PRIM2: variants seen among roughly 807,000 people sequenced by gnomAD.
PRIM2 encodes DNA primase subunit 2.
PRIM2 carries 39 observed loss-of-function variants against 67.3 expected under a neutral mutation model. That is an observed-to-expected ratio of 0.58 (90% CI 0.45 to 0.76). PRIM2 has a LOEUF of 0.76. PRIM2 is among the 30% of genes least tolerant of loss of function. The pLI, the probability that PRIM2 is intolerant of heterozygous loss-of-function variation, is 0.00. For missense variants in PRIM2, 398 were observed against 598.7 expected (o/e 0.66, Z 3.50); for synonymous variants, 143 against 198.7 (o/e 0.72, Z 2.36).
intron 5 of PRIM2, among the ~76,000 whole-genome samples, chr6:57,337,508 A>C (rs1308847518): frequency 6.6e-6 from 1 of 151,798 alleles, no homozygotes; most frequent in African/African-American, 2.4e-5. Flanking sequence ...ATAACAAACT[A>C]TCTCTCAGAC....
intron 13 of PRIM2, among the ~76,000 whole-genome samples, chr6:57,645,635 A>G (rs1313496177): frequency 6.6e-6 from 1 of 151,604 alleles, no homozygotes; most frequent in East Asian, 1.9e-4. Flanking sequence ...CCTTTGAGCC[A>G]TCTTAGATGT....
At chr6:57,569,989 G>A (rs1581995763) in intron 10 of PRIM2, among the ~76,000 whole-genome samples, 5 of 152,176 alleles carry the variant, frequency 3.3e-5, no homozygotes, top group East Asian at 1.9e-4. Flanking sequence ...TGATCCGCCC[G>A]CCTTGGCCTC....
chr6:57,238,993 A>AT, the PRIM2 span, among the ~76,000 whole-genome samples: 35 of 148,470 alleles, frequency 2.4e-4, no homozygotes, highest in Middle Eastern at 6.8e-3. Flanking sequence ...TTCTTTTTTT[A>AT]TTTTTTTTTT....
the PRIM2 span, among the ~76,000 whole-genome samples, chr6:57,241,400 C>A: frequency 6.6e-6 from 1 of 151,326 alleles, no homozygotes; most frequent in Non-Finnish European, 1.5e-5. Flanking sequence ...CAGAGTGAGA[C>A]CCTGTTTTAA....
At chr6:57,325,847 A>T (rs1767832492) in intron 4 of PRIM2, 78 bp from the exon 5 acceptor site, 3 of 1,417,000 alleles carry the variant, frequency 2.1e-6, no homozygotes, top group Non-Finnish European at 2.9e-6. Context: ...ATGTTTGAAT[A>T]TTGTTTTATA....
At chr6:57,560,112 C>G (rs2127477883) in intron 10 of PRIM2, among the ~76,000 whole-genome samples, 1 of 152,322 alleles carries the variant, frequency 6.6e-6, no homozygotes, top group African/African-American at 2.4e-5. Context: ...GCAGTCTATC[C>G]TCTCAACCCT....
intron 10 of PRIM2, among the ~76,000 whole-genome samples, chr6:57,592,953 A>T (rs1365469886): frequency 6.6e-6 from 1 of 152,206 alleles, no homozygotes; most frequent in Non-Finnish European, 1.5e-5. Flanking sequence ...AAAAAATATA[A>T]TAAGGTCACT....
At chr6:57,299,528 A>G in the PRIM2 span, among the ~76,000 whole-genome samples, 287 of 152,268 alleles carry the variant, frequency 1.9e-3, 1 homozygote, top group African/African-American at 6.8e-3. Context: ...TAACTTCCTG[A>G]GCTCCTTGTA....
At chr6:57,639,332 A>G (rs1224834847) in intron 13 of PRIM2, among the ~76,000 whole-genome samples, 1 of 152,222 alleles carries the variant, frequency 6.6e-6, no homozygotes, top group East Asian at 1.9e-4. Context: ...TAGCATCACA[A>G]TTAAAAGAAC....
chr6:57,548,784 G>A, intron 10 of PRIM2, among the ~76,000 whole-genome samples: 1 of 152,082 alleles, frequency 6.6e-6, no homozygotes, highest in Non-Finnish European at 1.5e-5. Flanking sequence ...AAGAGCTGTG[G>A]GAGCTCACAT....
chr6:57,491,180 C>G (rs1451640639), intron 7 of PRIM2, among the ~76,000 whole-genome samples: 1 of 152,106 alleles, frequency 6.6e-6, no homozygotes, highest in Non-Finnish European at 1.5e-5. Flanking sequence ...CCAAAGAAAT[C>G]TAAAATATTT....
At chr6:57,486,637 T>C (rs1773758624) in intron 7 of PRIM2, among the ~76,000 whole-genome samples, 1 of 152,220 alleles carries the variant, frequency 6.6e-6, no homozygotes, top group African/African-American at 2.4e-5. Context: ...GTCCAGTATA[T>C]ATGGCATGTT....
chr6:57,343,704 C>T (rs1298717089), intron 5 of PRIM2, among the ~76,000 whole-genome samples: 2 of 151,776 alleles, frequency 1.3e-5, no homozygotes, highest in East Asian at 1.9e-4. Context: ...GTGGAAATTA[C>T]GTAAAAGGAA....
chr6:57,466,492 T>C (rs1242912417), intron 7 of PRIM2, among the ~76,000 whole-genome samples: 1 of 152,226 alleles, frequency 6.6e-6, no homozygotes, highest in Non-Finnish European at 1.5e-5. Context: ...TGTTGTTTCC[T>C]GACTTTTTAA....
chr6:57,314,465 G>A (rs968234991), upstream of PRIM2, among the ~76,000 whole-genome samples: 2 of 152,228 alleles, frequency 1.3e-5, no homozygotes, highest in African/African-American at 2.4e-5. Flanking sequence ...GCAATGAGCC[G>A]AGATCATGCT....
At chr6:57,281,012 CT>C in the PRIM2 span, among the ~76,000 whole-genome samples, 1 of 152,122 alleles carries the variant, frequency 6.6e-6, no homozygotes, top group African/African-American at 2.4e-5. Flanking sequence ...ACTTTTTTAG[CT>C]CCTGCATATG....
chr6:57,546,095 T>C (rs1775285576), intron 10 of PRIM2, among the ~76,000 whole-genome samples: 1 of 152,240 alleles, frequency 6.6e-6, no homozygotes, highest in Non-Finnish European at 1.5e-5. Context: ...CAACTTTGAA[T>C]ATTTACTAAA....
At chr6:57,396,119 T>C (rs1770506535) in intron 7 of PRIM2, among the ~76,000 whole-genome samples, 1 of 152,206 alleles carries the variant, frequency 6.6e-6, no homozygotes, top group African/African-American at 2.4e-5. Context: ...TTGAATAGAA[T>C]GTGTATTCTG....
chr6:57,295,437 A>G, the PRIM2 span, among the ~76,000 whole-genome samples: 13 of 152,202 alleles, frequency 8.5e-5, no homozygotes, highest in Admixed American at 8.5e-4. Context: ...GAATCAATCT[A>G]CATTGATTCT....
Sources: allele counts gnomAD v4.1 joint callset (sites outside exome capture counted in the v4.1 genomes callset), GRCh38; gene constraint gnomAD v4.1.1; transcripts MANE v1.5; gene names NCBI Gene and HGNC (gene_info 2026-07-23, HGNC 2026-07-21).